The following LIMS1 variants were observed in gnomAD, a reference collection of about 807,000 sequenced individuals.
The protein encoded by LIMS1 is LIM zinc finger domain containing 1, also known as LIM and senescent cell antigen-like-containing domain protein 1.
In LIMS1, 18 loss-of-function variants were observed where a neutral mutation model predicts 44.1. The ratio of observed to expected loss-of-function variants is 0.41; its 90% confidence interval spans 0.28 to 0.61. The LOEUF (loss-of-function observed/expected upper bound fraction) is 0.61, where lower values mean the gene tolerates loss of function less well. LIMS1 is among the 20% of genes least tolerant of loss of function. LIMS1 has a pLI of 0.32. For missense variants in LIMS1, 201 were observed against 422.0 expected (o/e 0.48, Z 4.59); for synonymous variants, 93 against 149.1 (o/e 0.62, Z 2.74).
intron 1 of LIMS1, among the ~76,000 whole-genome samples, chr2:108,609,331 C>T (rs1687458111): frequency 6.6e-6 from 1 of 152,168 alleles, no homozygotes. Context: ...CCTGGAGCTG[C>T]TTCCACAACT....
chr2:108,618,119 G>A (rs1688031256), intron 1 of LIMS1, among the ~76,000 whole-genome samples: 1 of 152,142 alleles, frequency 6.6e-6, no homozygotes, highest in African/African-American at 2.4e-5. Context: ...GAGGCCATGG[G>A]GAAAATGACG....
At position 108,550,138 on chromosome 2, in the gene LIMS1, A is replaced by G. The variant is rs146218182; in HGVS notation, c.32+15544A>G. Among the ~76,000 whole-genome samples the G allele has an allele frequency of 8.3e-4, 127 of 152,304 alleles. 2 individuals are homozygous for G. In the South Asian group the frequency reaches 9.9e-3, roughly 12 times the overall value. ...CAGGATGTGAAACTATAAATATGGT[A>G]TGATTAGAACTTTATAATGTTTAAA... On this transcript the variant is annotated intron_variant, in intron 1 of 9. Transcript: ENST00000544547.
At chr2:108,578,620 G>A (rs1264379294) in intron 1 of LIMS1, among the ~76,000 whole-genome samples, 1 of 133,220 alleles carries the variant, frequency 7.5e-6, no homozygotes, top group Non-Finnish European at 1.6e-5. Flanking sequence ...TGGAGACGGA[G>A]TCTCTCACTG....
chr2:108,557,023 C>T (rs1684946214), intron 1 of LIMS1, among the ~76,000 whole-genome samples: 1 of 152,174 alleles, frequency 6.6e-6, no homozygotes, highest in South Asian at 2.1e-4. Context: ...GTTCATCCGC[C>T]TTCGTTCAGT....
intron 1 of LIMS1, among the ~76,000 whole-genome samples, chr2:108,644,472 C>A (rs1689925452): frequency 6.6e-6 from 1 of 152,150 alleles, no homozygotes; most frequent in Admixed American, 6.5e-5. Flanking sequence ...ATGACGTCCA[C>A]TCAGAGACCC....
intron 8 of LIMS1, among the ~76,000 whole-genome samples, chr2:108,678,846 G>T (rs1186822038): frequency 6.6e-6 from 1 of 152,164 alleles, no homozygotes; most frequent in Non-Finnish European, 1.5e-5. Context: ...TTTCCATGTT[G>T]GGCCAACAGC....
intron 1 of LIMS1, among the ~76,000 whole-genome samples, chr2:108,629,797 A>T (rs1004098937): frequency 1.2e-4 from 18 of 152,166 alleles, no homozygotes; most frequent in Non-Finnish European, 2.5e-4. Flanking sequence ...TGATGTGAGG[A>T]GAGAAGGCTA....
At chr2:108,645,387 C>T (rs1233940413) in intron 1 of LIMS1, among the ~76,000 whole-genome samples, 2 of 152,056 alleles carry the variant, frequency 1.3e-5, no homozygotes, top group Non-Finnish European at 2.9e-5. Context: ...CATATCCAGC[C>T]AAACAAAGCT....
chr2:108,614,977 A>G (rs56404313), intron 1 of LIMS1, among the ~76,000 whole-genome samples: 55,136 of 152,100 alleles, frequency 0.36, 11,887 homozygotes, highest in East Asian at 0.88. Context: ...TAACTGTTAC[A>G]TTTCTCCTCT....
intron 1 of LIMS1, among the ~76,000 whole-genome samples, chr2:108,546,962 G>A (rs1441413731): frequency 6.6e-6 from 1 of 152,124 alleles, no homozygotes; most frequent in Non-Finnish European, 1.5e-5. Context: ...ACTTTAGTCT[G>A]TTACGGAAAA....
At chr2:108,614,993 A>G (rs1328270297) in intron 1 of LIMS1, among the ~76,000 whole-genome samples, 2 of 152,204 alleles carry the variant, frequency 1.3e-5, no homozygotes, top group African/African-American at 4.8e-5. Context: ...CCTCTCACAC[A>G]GAAGTATTTA....
chr2:108,593,330 T>G (rs897016066), intron 1 of LIMS1, among the ~76,000 whole-genome samples: 5 of 152,212 alleles, frequency 3.3e-5, no homozygotes, highest in African/African-American at 1.2e-4. Flanking sequence ...TTTTGCTTTT[T>G]TCTTTCTTAA....
At chr2:108,667,284 C>A (rs1428712298) in intron 2 of LIMS1, among the ~76,000 whole-genome samples, 1 of 152,092 alleles carries the variant, frequency 6.6e-6, no homozygotes, top group Non-Finnish European at 1.5e-5. Flanking sequence ...CACAATGTCA[C>A]AGTGAGGGTA....
At chr2:108,648,390 A>G (rs1690220347) in intron 1 of LIMS1, among the ~76,000 whole-genome samples, 1 of 152,204 alleles carries the variant, frequency 6.6e-6, no homozygotes, top group South Asian at 2.1e-4. Flanking sequence ...TGCCCAAAGT[A>G]ATTTATAGAT....
intron 9 of LIMS1, chr2:108,681,254 T>C: frequency 3.2e-6 from 4 of 1,243,412 alleles, no homozygotes; most frequent in Middle Eastern, 3.1e-4. Context: ...TCATCAGAGA[T>C]TGAAATACAA....
intron 1 of LIMS1, among the ~76,000 whole-genome samples, chr2:108,625,939 A>G (rs986207580): frequency 2.6e-5 from 4 of 152,232 alleles, no homozygotes; most frequent in African/African-American, 9.6e-5. Flanking sequence ...ATAACCATTA[A>G]TTGAACCCCT....
intron 1 of LIMS1, among the ~76,000 whole-genome samples, chr2:108,645,688 C>T (rs1690010748): frequency 6.6e-6 from 1 of 152,076 alleles, no homozygotes; most frequent in Non-Finnish European, 1.5e-5. Flanking sequence ...AATTAAAAGA[C>T]ACAGACTGGC....
At chr2:108,671,404 C>T (rs2433827) in intron 3 of LIMS1, among the ~76,000 whole-genome samples, 12 of 152,060 alleles carry the variant, frequency 7.9e-5, no homozygotes, top group African/African-American at 2.9e-4. Context: ...TATCGGGTGG[C>T]GTTTGGGAGT....
intron 1 of LIMS1, among the ~76,000 whole-genome samples, chr2:108,621,829 G>GA (rs1222506247): frequency 6.6e-6 from 1 of 152,076 alleles, no homozygotes; most frequent in Non-Finnish European, 1.5e-5. Flanking sequence ...TCTGTGTTTT[G>GA]ATGAAGGTGG....
Sources: allele counts gnomAD v4.1 joint callset (sites outside exome capture counted in the v4.1 genomes callset), GRCh38; gene constraint gnomAD v4.1.1; transcripts MANE v1.5; gene names NCBI Gene and HGNC (gene_info 2026-07-23, HGNC 2026-07-21).